Variants in SEMA4D observed in about 807,000 individuals in gnomAD.
SEMA4D encodes the protein semaphorin-4D.
In SEMA4D, 22 loss-of-function variants were observed where a neutral mutation model predicts 74.8. That is an observed-to-expected ratio of 0.29 (90% CI 0.21 to 0.42). The LOEUF (loss-of-function observed/expected upper bound fraction) is 0.42. Among genes scored for constraint, SEMA4D ranks in the 10% least tolerant of loss-of-function variants. SEMA4D has a pLI of 1.00. For missense variants in SEMA4D, 937 were observed against 1,118.4 expected, an observed-to-expected ratio of 0.84 and a Z score of 2.31; for synonymous variants, 445 against 463.7, an observed-to-expected ratio of 0.96 and a Z score of 0.52.
At chr9:89,423,243 G>A (rs572547077) in intron 2 of SEMA4D, among the ~76,000 whole-genome samples, 28 of 150,904 alleles carry the variant, frequency 1.9e-4, no homozygotes, top group Admixed American at 1.8e-3. Context: ...CCAGGCTGGA[G>A]TGCAATGGCG....
At chr9:89,440,143 G>A (rs4255230) in intron 2 of SEMA4D, among the ~76,000 whole-genome samples, 4 of 152,096 alleles carry the variant, frequency 2.6e-5, no homozygotes, top group African/African-American at 9.7e-5. Flanking sequence ...TGGGAGCCAC[G>A]CAGGCTGTGG....
intron 13 of SEMA4D, among the ~76,000 whole-genome samples, chr9:89,383,744 G>A (rs1837737720): frequency 1.3e-5 from 2 of 152,144 alleles, no homozygotes; most frequent in African/African-American, 4.8e-5. Flanking sequence ...AAACTCTTCT[G>A]TAAATTTAAA....
chr9:89,435,441 C>T (rs1225342501), intron 2 of SEMA4D, among the ~76,000 whole-genome samples: 1 of 152,210 alleles, frequency 6.6e-6, no homozygotes, highest in Non-Finnish European at 1.5e-5. Context: ...CTGCTTTGCC[C>T]TGTTTCTTTC....
At chr9:89,447,701 T>C (rs1853285032) in intron 2 of SEMA4D, among the ~76,000 whole-genome samples, 1 of 149,034 alleles carries the variant, frequency 6.7e-6, no homozygotes, top group Non-Finnish European at 1.5e-5. Context: ...AAGCCAGGGG[T>C]CTTCCCCAAC....
intron 2 of SEMA4D, among the ~76,000 whole-genome samples, chr9:89,446,970 G>A (rs1853049231): frequency 6.6e-6 from 1 of 152,166 alleles, no homozygotes; most frequent in South Asian, 2.1e-4. Context: ...CAATTCTCCA[G>A]ATGCCTTCCC....
chr9:89,462,769 A>G (rs964907523), intron 1 of SEMA4D, among the ~76,000 whole-genome samples: 3 of 151,352 alleles, frequency 2.0e-5, no homozygotes, highest in African/African-American at 7.3e-5. Context: ...ACAAAGTGAG[A>G]GCCTGTCTCT....
chr9:89,421,722 A>G (rs1847000773), intron 2 of SEMA4D, among the ~76,000 whole-genome samples: 1 of 152,240 alleles, frequency 6.6e-6, no homozygotes, highest in Non-Finnish European at 1.5e-5. Flanking sequence ...GGCGCTGTTC[A>G]GTAAAAAGTA....
chr9:89,433,296 AG>A (rs35051459), intron 2 of SEMA4D, among the ~76,000 whole-genome samples: 105,799 of 152,076 alleles, frequency 0.7, 37,336 homozygotes, highest in Middle Eastern at 0.78. Flanking sequence ...AGACGGACTG[AG>A]GGTGGGGCCA....
At chr9:89,376,540 A>G, downstream of SEMA4D, 1 of 332,432 alleles carries the variant, frequency 3.0e-6, no homozygotes, top group Non-Finnish European at 5.5e-6. Context: ...ATACAACAGC[A>G]GAGCTTAGTG....
chr9:89,461,896 T>A (rs181825381), intron 1 of SEMA4D, among the ~76,000 whole-genome samples: 15 of 151,924 alleles, frequency 9.9e-5, no homozygotes, highest in African/African-American at 3.4e-4. Flanking sequence ...AGAGACAGGG[T>A]TTCACCATGT....
intron 1 of SEMA4D, 23 bp downstream of exon 1, chr9:89,497,896 C>T (rs1291184334): frequency 6.6e-6 from 1 of 151,174 alleles, no homozygotes; most frequent in Non-Finnish European, 1.5e-5. Context: ...CGCCCTCCCT[C>T]CCGCGCCAGC....
chr9:89,373,254 CTA>C (rs376845994), downstream of SEMA4D, among the ~76,000 whole-genome samples: 127 of 152,326 alleles, frequency 8.3e-4, 1 homozygote, highest in South Asian at 0.021. Flanking sequence ...ACACCACAGG[CTA>C]TGTTTTCCCC....
chr9:89,385,363 C>T lies in SEMA4D; in HGVS notation c.1446+1004G>A, dbSNP rs148017923. The stretch of plus-strand genomic sequence containing the variant: ...GGTGCCTGCCCAGTCTGGCTGAGGC[C>T]ACTGAACAGCACGATGGCCCCAGAA... On this transcript the variant is annotated intron_variant, in intron 13 of 15. Transcript: ENST00000422704. The T allele has an allele frequency of 1.6e-3, 1,588 of 985,288 alleles. 17 individuals are homozygous for T. The African/African-American group carries it at 0.025, about 16-fold the overall frequency. 61.0% of individuals were successfully genotyped at this position (985,288 alleles called of 1,614,324 possible).
At position 89,437,372 on chromosome 9, in the gene SEMA4D, G is replaced by A. The variant is rs148665499; in HGVS notation, c.-244+18516C>T. On this transcript the variant is annotated intron_variant, in intron 2 of 15. Transcript: ENST00000422704. ...CAGTGAGTATTGCCCAATCTTGGTC[G>A]CCCACACTTGGTCTTGAATAAGCAA... Among the ~76,000 whole-genome samples the A allele has an allele frequency of 6.9e-3, 1,043 of 152,244 alleles. 5 individuals are homozygous for A. The highest frequency in any genetic ancestry group is 9.9e-3 in the Non-Finnish European group (675 of 68,020).
chr9:89,406,922 C>A (rs1014884178), intron 2 of SEMA4D, among the ~76,000 whole-genome samples: 2 of 152,138 alleles, frequency 1.3e-5, no homozygotes, highest in East Asian at 1.9e-4. Context: ...AAAAAAAGCA[C>A]CAGCAGTCAG....
intron 2 of SEMA4D, among the ~76,000 whole-genome samples, chr9:89,423,251 G>C (rs1847350797): frequency 6.6e-6 from 1 of 151,592 alleles, no homozygotes; most frequent in South Asian, 2.1e-4. Context: ...GAGTGCAATG[G>C]CGTGATCTCG....
In SEMA4D at chr9:89,379,400, C is replaced by G. The variant is rs1021571995; in HGVS notation, c.1893G>C (p.Lys631Asn). The G allele has an allele frequency of 6.2e-7, 1 of 1,614,102 alleles. No homozygotes were observed. The highest frequency in any genetic ancestry group is 8.5e-7 in the Non-Finnish European group (1 of 1,180,052). Residue 631 changes from lysine (K) to asparagine (N), a missense_variant, in exon 16 of 16, where the codon AAG becomes AAC. Transcript: ENST00000422704. ...CGACCACTTGGAAGACCGTTTTGTT[C>G]TTAACCCTCTCCTCTGACAGGCACT... ...VYQCLSEERVKNKTVFQVVAK... is the reference protein window; with the variant it reads ...VYQCLSEERVNNKTVFQVVAK...
chr9:89,476,168 C>T (rs1009513394), intron 1 of SEMA4D, among the ~76,000 whole-genome samples: 1 of 152,182 alleles, frequency 6.6e-6, no homozygotes, highest in Non-Finnish European at 1.5e-5. Context: ...GATCTCTGGG[C>T]AAGAATAACA....
chr9:89,386,829 T>C (rs572071247), intron 12 of SEMA4D: 58 of 285,874 alleles, frequency 2.0e-4, no homozygotes, highest in Non-Finnish European at 3.6e-4. Flanking sequence ...CACTGGTAAG[T>C]GCCCTAGGCA....
Sources: gnomAD v4.1 joint callset for allele counts (sites outside exome capture counted in the v4.1 genomes callset) on GRCh38, gnomAD v4.1.1 for gene constraint, MANE v1.5 for transcripts, NCBI Gene and HGNC (gene_info 2026-07-23, HGNC 2026-07-21) for gene names.